Variants in MRPL3 observed in about 807,000 individuals in gnomAD.
MRPL3 encodes mitochondrial ribosomal protein L3.
MRPL3 carries 43 observed loss-of-function variants against 44.3 expected under a neutral mutation model. That is an observed-to-expected ratio of 0.97 (90% CI 0.76 to 1.25). MRPL3 has a LOEUF of 1.25. Ranked by LOEUF, MRPL3 falls within the 50% of genes most tolerant of loss-of-function variation. MRPL3 has a pLI of 0.00. For synonymous variants in MRPL3, 171 were observed against 152.3 expected, an observed-to-expected ratio of 1.12 and a Z score of -0.91; for missense variants, 406 against 427.6, an observed-to-expected ratio of 0.95 and a Z score of 0.45.
intron 5 of MRPL3, 30 bp downstream of exon 5, chr3:131,489,951 A>T: frequency 2.9e-6 from 4 of 1,398,434 alleles, no homozygotes; most frequent in Non-Finnish European, 4.0e-6. Flanking sequence ...GGGTATTTTT[A>T]CCTCCCTCCT....
At chr3:131,493,625 T>C (rs1172649023) in intron 4 of MRPL3, among the ~76,000 whole-genome samples, 1 of 152,182 alleles carries the variant, frequency 6.6e-6, no homozygotes, top group African/African-American at 2.4e-5. Flanking sequence ...ATAAAGTTTG[T>C]CTAACTCTTC....
rs1242072183 is a variant in MRPL3, at chr3:131,497,954, G to A, written c.468+225C>T. The A allele has an allele frequency of 1.5e-5, 8 of 542,344 alleles. No individual in the cohort carries two copies. In the Admixed American group the frequency reaches 2.4e-4, roughly 16 times the overall value. The allele number at this position is 542,344 out of a possible 1,614,324, so 33.6% of individuals were successfully genotyped here. On this transcript the variant is annotated intron_variant, in intron 4 of 9. Transcript: ENST00000264995. ...ATATACAAGCACTACAGCTTAGAGA[G>A]GTAAAATTACTTGTTCCAGATACAG...
intron 9 of MRPL3, among the ~76,000 whole-genome samples, chr3:131,467,763 A>C (rs1183262390): frequency 2.0e-5 from 3 of 152,088 alleles, no homozygotes; most frequent in Non-Finnish European, 4.4e-5. Context: ...ACCCAATCTT[A>C]GGTATTTCTT....
rs1191164817 is a variant in MRPL3 at position 131,502,785 on chromosome 3, G to A, written c.37C>T (p.Gln13Ter). 6.2e-7 allele frequency: 1 copy of A among 1,612,580 alleles called. No homozygotes were observed. Among genetic ancestry groups the A allele is most frequent in the Non-Finnish European group, 8.5e-7 (1 of 1,179,438 alleles). Residue 13 changes from glutamine (Q) to a stop codon, truncating the protein, a stop_gained, in exon 1 of 10, where the codon CAG becomes TAG. Transcript: ENST00000264995. LOFTEE classifies it high-confidence loss of function. ...GWRLLTQVGA[Q>*]VLGRLGDGLG... ...CCGTCCCCGAGTCGACCCAGCACCT[G>A]GGCGCCGACCTGCGTCAGCAGCCTC... is the stretch of plus-strand genomic sequence containing the variant.
intron 4 of MRPL3, among the ~76,000 whole-genome samples, chr3:131,494,112 TG>T (rs891193193): frequency 2.8e-4 from 43 of 152,192 alleles, no homozygotes; most frequent in Non-Finnish European, 7.4e-5. Flanking sequence ...GGAATCCCCC[TG>T]GGGCTCTCCA....
intron 1 of MRPL3, 61 bp from the exon 2 acceptor site, chr3:131,501,776 T>A (rs1934502516): frequency 6.3e-7 from 1 of 1,589,806 alleles, no homozygotes; most frequent in Non-Finnish European, 8.6e-7. Flanking sequence ...CCACTTAATA[T>A]AGAAAAGGGA....
At chr3:131,497,022 A>G (rs1934384146) in intron 4 of MRPL3, among the ~76,000 whole-genome samples, 1 of 152,188 alleles carries the variant, frequency 6.6e-6, no homozygotes, top group African/African-American at 2.4e-5. Context: ...GCATGCCTGT[A>G]ACACCCATTT....
At chr3:131,494,655 T>C (rs1005448786) in intron 4 of MRPL3, among the ~76,000 whole-genome samples, 11 of 152,290 alleles carry the variant, frequency 7.2e-5, no homozygotes, top group African/African-American at 2.6e-4. Flanking sequence ...AGGTAAAACA[T>C]ACTTCTCGAT....
At chr3:131,488,867 T>G (rs1174340049) in intron 5 of MRPL3, 1 of 152,048 alleles carries the variant, frequency 6.6e-6, no homozygotes, top group African/African-American at 2.4e-5. Context: ...AACATCACAC[T>G]GTATCCCATA....
chr3:131,478,321 T>C (rs191100983), intron 6 of MRPL3, among the ~76,000 whole-genome samples: 25 of 152,270 alleles, frequency 1.6e-4, no homozygotes, highest in African/African-American at 5.8e-4. Flanking sequence ...ACTTGCAGTG[T>C]TTAAGAAACA....
In MRPL3 at chr3:131,488,308, G is replaced by A. The variant is rs1251259306; in HGVS notation, c.569-568C>T. On this transcript the variant is annotated intron_variant, in intron 5 of 9. Transcript: ENST00000264995. ...TAGATAATTAGAATAGCAAAAAATT[G>A]CCTTTATAGATACTTATTAAATTTT... 2.0e-5 allele frequency among the ~76,000 whole-genome samples: 3 copies of A among 152,050 alleles called. No homozygotes were observed. In the East Asian group the frequency reaches 5.8e-4, roughly 29 times the overall value.
At chr3:131,502,197 C>A (rs1476549842) in intron 1 of MRPL3, among the ~76,000 whole-genome samples, 1 of 152,132 alleles carries the variant, frequency 6.6e-6, no homozygotes, top group African/African-American at 2.4e-5. Context: ...GTGAACATAC[C>A]AAGAAAGACC....
rs1230653608 is a variant in MRPL3 at position 131,502,850 on chromosome 3, A to C, written c.-29T>G. 1 of 1,600,218 alleles carries C rather than the reference A, an allele frequency of 6.2e-7. No individual in the cohort carries two copies. The highest frequency in any genetic ancestry group is 8.5e-7 in the Non-Finnish European group (1 of 1,172,334). On this transcript the variant is annotated 5_prime_UTR_variant, in exon 1 of 10. Transcript: ENST00000264995. Reference sequence around the variant, plus strand: ...TTAGCCCGGGAAGACTCGACTCACGACTTCCGGGCGCCCTGCCGCTCTGCT... The same window carrying C: ...TTAGCCCGGGAAGACTCGACTCACGCCTTCCGGGCGCCCTGCCGCTCTGCT...
intron 4 of MRPL3, among the ~76,000 whole-genome samples, chr3:131,490,607 A>G (rs1186277043): frequency 6.6e-6 from 1 of 152,222 alleles, no homozygotes; most frequent in Non-Finnish European, 1.5e-5. Flanking sequence ...ATCCTTTTCT[A>G]AAATCTTCAG....
rs140722316 is a variant in MRPL3, at chr3:131,495,864, A to T, written c.468+2315T>A. Among the ~76,000 whole-genome samples the T allele has an allele frequency of 2.3e-3, 345 of 152,312 alleles. 4 individuals carry two copies. The highest frequency in any genetic ancestry group is 7.8e-3 in the African/African-American group (323 of 41,570). On this transcript the variant is annotated intron_variant, in intron 4 of 9. Transcript: ENST00000264995. ...CCAATGTGAGACTTTCAGAACTGGA[A>T]GATAATTCAGAGACCATCAAGTACT...
chr3:131,478,852 C>T (rs554569823), intron 6 of MRPL3, among the ~76,000 whole-genome samples: 21 of 151,682 alleles, frequency 1.4e-4, no homozygotes, highest in South Asian at 6.3e-4. Context: ...CCTGCAACCA[C>T]GGCTAATTTT....
At chr3:131,465,780 G>A (rs748294580) in intron 9 of MRPL3, among the ~76,000 whole-genome samples, 10 of 152,052 alleles carry the variant, frequency 6.6e-5, no homozygotes, top group Non-Finnish European at 1.2e-4. Flanking sequence ...GTCATTGTAA[G>A]TATGACTGCC....
chr3:131,502,020 G>T, intron 1 of MRPL3: 2 of 971,308 alleles, frequency 2.1e-6, no homozygotes, highest in Non-Finnish European at 3.0e-6. Flanking sequence ...CCATTTGGAA[G>T]TGTACCTTAA....
At position 131,462,845 on chromosome 3, in the gene MRPL3, C is replaced by G. The variant is rs1238755073; in HGVS notation, c.925G>C (p.Asp309His). Residue 309 changes from aspartate to histidine, a missense_variant, in exon 10 of 10, where the codon GAT (aspartate) becomes CAT (histidine). Transcript: ENST00000264995. ...GGGAATGGTAGATTTTTACCGAGAT[C>G]CTTATATGCAGGCAGTTTAGAATCT... ...VKDSKLPAYK[D>H]LGKNLPFPTY... 1.2e-6 allele frequency: 2 copies of G among 1,611,324 alleles called. No individual in the cohort carries two copies. Among genetic ancestry groups the G allele is most frequent in the Non-Finnish European group, 8.5e-7 (1 of 1,178,418 alleles).
Sources: gnomAD v4.1 joint callset for allele counts (sites outside exome capture counted in the v4.1 genomes callset) on GRCh38, gnomAD v4.1.1 for gene constraint, MANE v1.5 for transcripts, NCBI Gene and HGNC (gene_info 2026-07-23, HGNC 2026-07-21) for gene names.